Variants in TFEC observed in about 807,000 individuals in gnomAD.
The protein encoded by TFEC is transcription factor EC.
TFEC carries 31 observed loss-of-function variants against 41.6 expected under a neutral mutation model. The ratio of observed to expected loss-of-function variants is 0.74; its 90% CI spans 0.56 to 1.01. The LOEUF is 1.01. Among genes scored for constraint, TFEC ranks in the 50% least tolerant of loss-of-function variants. The pLI, the probability that TFEC is intolerant of heterozygous loss-of-function variation, is 0.00. For missense variants in TFEC, 402 were observed against 404.1 expected (o/e 0.99, Z 0.04); for synonymous variants, 143 against 140.6 (o/e 1.02, Z -0.12).
chr7:116,133,261 A>AG (rs1297654407), intron 1 of TFEC, among the ~76,000 whole-genome samples: 3 of 151,802 alleles, frequency 2.0e-5, no homozygotes, highest in South Asian at 2.1e-4. Context: ...CTTAATTAGA[A>AG]AAGTCTGGCC....
intron 3 of TFEC, among the ~76,000 whole-genome samples, chr7:116,042,494 C>T (rs1309941266): frequency 6.6e-6 from 1 of 152,132 alleles, no homozygotes; most frequent in Non-Finnish European, 1.5e-5. Context: ...GAAAGTAGAA[C>T]TTTGCAATTA....
chr7:116,028,729 G>A (rs1358925432), intron 1 of TFEC, among the ~76,000 whole-genome samples: 3 of 152,076 alleles, frequency 2.0e-5, no homozygotes, highest in East Asian at 1.9e-4. Context: ...TTTGTAAAAC[G>A]ATTTATAAAA....
At chr7:116,066,686 A>G (rs1411769695) in intron 3 of TFEC, among the ~76,000 whole-genome samples, 2 of 152,114 alleles carry the variant, frequency 1.3e-5, no homozygotes, top group Non-Finnish European at 2.9e-5. Flanking sequence ...TTTTCATGAT[A>G]TTTAAAAAAT....
intron 6 of TFEC, among the ~76,000 whole-genome samples, chr7:115,950,437 A>C (rs1434712397): frequency 6.6e-6 from 1 of 152,128 alleles, no homozygotes; most frequent in Non-Finnish European, 1.5e-5. Context: ...TTATGATTCC[A>C]TTTGTTACTT....
chr7:116,096,959 G>T (rs1177384000), intron 3 of TFEC, among the ~76,000 whole-genome samples: 2 of 151,884 alleles, frequency 1.3e-5, no homozygotes, highest in African/African-American at 2.4e-5. Flanking sequence ...GCGTGGTGCC[G>T]CATGCCTGTA....
At position 115,936,989 on chromosome 7, in the gene TFEC, CAAG is replaced by C. The variant is rs1422472200; in HGVS notation, c.*3559_*3561del. ...TTCTCCATTTGATATAGGAAAAATT[CAAG>C]AAGAAAAGGCACTAAAGAAAAAAAT... On this transcript the variant is annotated 3_prime_UTR_variant, in exon 8 of 8. Transcript: ENST00000265440. The C allele has an allele frequency of 6.6e-6, 1 of 150,896 alleles. No homozygotes were observed. The highest frequency in any genetic ancestry group is 1.5e-5 in the Non-Finnish European group (1 of 67,502). 9.3% of individuals were successfully genotyped at this position (150,896 alleles called of 1,614,324 possible).
At chr7:116,012,886 A>T (rs1371922845) in intron 1 of TFEC, among the ~76,000 whole-genome samples, 1 of 151,682 alleles carries the variant, frequency 6.6e-6, no homozygotes, top group Non-Finnish European at 1.5e-5. Flanking sequence ...TAGGCTGGAA[A>T]ACTTTTTATA....
In TFEC at chr7:116,127,148, T is replaced by C. The variant is rs912348258; in HGVS notation, c.-68-15110A>G. On this transcript the variant is annotated intron_variant, in intron 1 of 8. Coordinates refer to the TFEC transcript ENST00000484212. ...AGTCTGCACTCCACCCAGGCTGGAG[T>C]GCAGTGGCGCGATCTCGGTTCACTG... 2.6e-5 allele frequency among the ~76,000 whole-genome samples: 4 copies of C among 151,712 alleles called. No individual in the cohort carries two copies. The East Asian group carries it at 7.8e-4, about 30-fold the overall frequency.
chr7:115,937,732 TC>T lies in TFEC; in HGVS notation c.*2818del, dbSNP rs1308960488. 1 of 151,448 alleles carries T rather than the reference TC, an allele frequency of 6.6e-6. No homozygotes were observed. The highest frequency in any genetic ancestry group is 1.5e-5 in the Non-Finnish European group (1 of 67,694). 9.4% of individuals were successfully genotyped at this position (151,448 alleles called of 1,614,324 possible). ...ATAATTATATTTAGATAAGTAAGGG[TC>T]CCCCCATTGTTATACATGACATTAA... On this transcript the variant is annotated 3_prime_UTR_variant, in exon 8 of 8. Coordinates refer to ENST00000265440, the MANE Select transcript of TFEC (RefSeq NM_012252.4).
chr7:116,001,603 T>C (rs891115882), intron 1 of TFEC, among the ~76,000 whole-genome samples: 1 of 151,228 alleles, frequency 6.6e-6, no homozygotes, highest in Non-Finnish European at 1.5e-5. Flanking sequence ...ATTTTTTGAG[T>C]AATATCCCAC....
chr7:116,153,134 C>T (rs1473621908), intron 1 of TFEC, among the ~76,000 whole-genome samples: 1 of 152,162 alleles, frequency 6.6e-6, no homozygotes, highest in Non-Finnish European at 1.5e-5. Context: ...AGCCTGAAGA[C>T]TGGAAAAACT....
At position 116,053,409 on chromosome 7, in the gene TFEC, A is replaced by ATGCTGC. The variant is rs538710591; in HGVS notation, c.198+57293_198+57298dup. ...CATTTGGACATTTTTGAGGATAATAATGCTGCTGCTGCTGCTGATGATGAC... is the reference window on the plus strand; with the variant it reads ...CATTTGGACATTTTTGAGGATAATAATGCTGCTGCTGCTGCTGCTGCTGATGATGAC... On this transcript the variant is annotated intron_variant, in intron 3 of 8. Coordinates refer to the TFEC transcript ENST00000484212. Among the ~76,000 whole-genome samples the ATGCTGC allele has an allele frequency of 1.7e-3, 255 of 152,272 alleles. 1 individual carries two copies. The highest frequency in any genetic ancestry group is 5.9e-3 in the African/African-American group (246 of 41,548).
At chr7:116,105,298 C>A (rs1340378899) in intron 3 of TFEC, among the ~76,000 whole-genome samples, 1 of 152,162 alleles carries the variant, frequency 6.6e-6, no homozygotes, top group East Asian at 1.9e-4. Context: ...AGGACAGAAA[C>A]CCCAATGTAT....
rs190282756 is a variant in TFEC at position 116,136,097 on chromosome 7, T to C, written c.-69+23693A>G. 2.9e-3 allele frequency among the ~76,000 whole-genome samples: 444 copies of C among 152,184 alleles called. 2 individuals carry two copies. The highest frequency in any genetic ancestry group is 0.01 in the African/African-American group (423 of 41,578). ...CCAATCCTTTCTATATGTTTCTCTATATCACCAAGAAGTATCTTGATTATT... is the reference window on the plus strand; with the variant it reads ...CCAATCCTTTCTATATGTTTCTCTACATCACCAAGAAGTATCTTGATTATT... On this transcript the variant is annotated intron_variant, in intron 1 of 8. Coordinates refer to the TFEC transcript ENST00000484212.
At chr7:115,941,040 G>T in intron 7 of TFEC, 109 bp from the exon 8 acceptor site, 1 of 989,102 alleles carries the variant, frequency 1.0e-6, no homozygotes, top group Non-Finnish European at 1.5e-6. Context: ...AAAATGAAGA[G>T]TAATACAATA....
intron 3 of TFEC, among the ~76,000 whole-genome samples, chr7:116,062,362 C>A (rs1011743294): frequency 6.7e-6 from 1 of 148,358 alleles, no homozygotes; most frequent in African/African-American, 2.5e-5. Context: ...GGATTACAGG[C>A]ATGAGCCACA....
At chr7:115,995,746 G>T (rs1340842126) in intron 1 of TFEC, among the ~76,000 whole-genome samples, 1 of 152,166 alleles carries the variant, frequency 6.6e-6, no homozygotes, top group East Asian at 1.9e-4. Flanking sequence ...CCCTGACACG[G>T]CTCGGAGAGA....
chr7:115,952,084 C>T (rs1459630800), intron 5 of TFEC, among the ~76,000 whole-genome samples: 1 of 151,966 alleles, frequency 6.6e-6, no homozygotes, highest in Admixed American at 6.6e-5. Context: ...CTACTAGAAA[C>T]AAGGAAAGTC....
At chr7:116,103,959 C>A (rs1797661329) in intron 3 of TFEC, among the ~76,000 whole-genome samples, 2 of 151,996 alleles carry the variant, frequency 1.3e-5, no homozygotes, top group African/African-American at 4.8e-5. Context: ...TGAAAATGGA[C>A]AACAGTCTTT....
Sources: gnomAD v4.1 joint callset for allele counts (sites outside exome capture counted in the v4.1 genomes callset) on GRCh38, gnomAD v4.1.1 for gene constraint, MANE v1.5 for transcripts, NCBI Gene and HGNC (gene_info 2026-07-23, HGNC 2026-07-21) for gene names.